PRKG1: variants seen among roughly 807,000 people sequenced by gnomAD.
PRKG1 encodes the protein protein kinase cGMP-dependent 1, also known as cGMP-dependent protein kinase 1.
PRKG1 carries 35 observed loss-of-function variants against 88.1 expected under a neutral mutation model. The observed-to-expected ratio is 0.40, with a 90% CI of 0.30 to 0.53. PRKG1 has a LOEUF of 0.53. Among genes scored for constraint, PRKG1 ranks in the 20% least tolerant of loss-of-function variants. PRKG1 has a pLI of 0.59. For synonymous variants in PRKG1, 303 were observed against 292.5 expected (o/e 1.04, Z -0.37); for missense variants, 540 against 839.8 (o/e 0.64, Z 4.41).
At chr10:52,004,918 C>T (rs1253268227) in intron 5 of PRKG1, among the ~76,000 whole-genome samples, 1 of 151,918 alleles carries the variant, frequency 6.6e-6, no homozygotes, top group Non-Finnish European at 1.5e-5. Context: ...CAGACTGATA[C>T]CCAGTCTCCA....
chr10:51,684,824 G>A (rs957120076), intron 3 of PRKG1, among the ~76,000 whole-genome samples: 16 of 152,100 alleles, frequency 1.1e-4, no homozygotes, highest in African/African-American at 3.6e-4. Context: ...CCAAGATCAC[G>A]CCATTGCATT....
At chr10:51,520,250 G>C (rs1343828721) in intron 3 of PRKG1, among the ~76,000 whole-genome samples, 2 of 143,316 alleles carry the variant, frequency 1.4e-5, no homozygotes, top group African/African-American at 5.0e-5. Flanking sequence ...TACATATATG[G>C]ATATACATAT....
In PRKG1 at chr10:51,420,311, G is replaced by C. The variant is rs111984658; in HGVS notation, c.479-47412G>C. On this transcript the variant is annotated intron_variant, in intron 2 of 17. Coordinates refer to ENST00000373980, the MANE Select transcript of PRKG1 (RefSeq NM_006258.4). ...TGAGCAGGATTTCTTAAATCAATCA[G>C]CTGGGAATCTGCTTAAAATGAAGAT... Among the ~76,000 whole-genome samples, 463 of 152,290 alleles carry C rather than the reference G, an allele frequency of 3.0e-3. 1 individual carries two copies. The highest frequency in any genetic ancestry group is 0.011 in the African/African-American group (449 of 41,582).
At chr10:52,140,305 C>T (rs536290164) in intron 8 of PRKG1, among the ~76,000 whole-genome samples, 94 of 152,110 alleles carry the variant, frequency 6.2e-4, no homozygotes, top group Non-Finnish European at 1.0e-3. Flanking sequence ...TGATTTGAAG[C>T]GTCTGATCAG....
At chr10:52,166,266 T>C (rs1213887572) in intron 9 of PRKG1, among the ~76,000 whole-genome samples, 1 of 152,104 alleles carries the variant, frequency 6.6e-6, no homozygotes, top group African/African-American at 2.4e-5. Flanking sequence ...AGTCAGGCAT[T>C]GTGCTTTATA....
chr10:51,167,733 G>C (rs1029786097), intron 2 of PRKG1, among the ~76,000 whole-genome samples: 44 of 152,232 alleles, frequency 2.9e-4, no homozygotes, highest in African/African-American at 9.6e-4. Context: ...AATTAGGAAT[G>C]ACTTGTATGT....
chr10:51,754,378 G>A (rs1443234431), intron 3 of PRKG1, among the ~76,000 whole-genome samples: 1 of 152,076 alleles, frequency 6.6e-6, no homozygotes, highest in African/African-American at 2.4e-5. Flanking sequence ...ACTTCTGCTG[G>A]TGACCTATCA....
chr10:51,074,707 C>T lies in PRKG1; in HGVS notation c.117C>T (p.Ile39=), dbSNP rs766226389. 6.2e-7 allele frequency: 1 copy of T among 1,613,944 alleles called. No homozygotes were observed. The highest frequency in any genetic ancestry group is 1.7e-5 in the Admixed American group (1 of 59,998). Reference sequence around the variant, plus strand: ...AGTTGGATCAGAAGGACGAACTGATCCAGAAGCTGCAGAACGAGCTGGACA... The same window carrying T: ...AGTTGGATCAGAAGGACGAACTGATTCAGAAGCTGCAGAACGAGCTGGACA... ...ELELDQKDEL[I]QKLQNELDKY... is the part of the protein sequence containing the mutation. Residue 39 remains isoleucine, a synonymous_variant, in exon 1 of 18, where the codon ATC becomes ATT. Transcript: ENST00000373980.
At chr10:52,208,705 A>G (rs1839882362) in intron 9 of PRKG1, among the ~76,000 whole-genome samples, 1 of 152,370 alleles carries the variant, frequency 6.6e-6, no homozygotes, top group African/African-American at 2.4e-5. Context: ...ATGACAAGTG[A>G]AATGGCAAAT....
At chr10:51,987,153 A>T (rs193301937) in intron 5 of PRKG1, among the ~76,000 whole-genome samples, 83 of 152,294 alleles carry the variant, frequency 5.4e-4, no homozygotes, top group Admixed American at 4.5e-3. Flanking sequence ...ATATTAAAAA[A>T]TCTTAAAGTT....
At chr10:51,976,086 G>A (rs1904038) in intron 5 of PRKG1, among the ~76,000 whole-genome samples, 2,468 of 152,046 alleles carry the variant, frequency 0.016, 59 homozygotes, top group African/African-American at 0.057. Context: ...TACTGACTAG[G>A]TTGGCTATAA....
chr10:51,259,604 G>C (rs1839651451), intron 2 of PRKG1, among the ~76,000 whole-genome samples: 1 of 152,284 alleles, frequency 6.6e-6, no homozygotes, highest in South Asian at 2.1e-4. Flanking sequence ...CTCCTGAGTA[G>C]CTGGGATTAT....
chr10:52,197,691 G>A (rs866913304), intron 9 of PRKG1, among the ~76,000 whole-genome samples: 6 of 152,172 alleles, frequency 3.9e-5, no homozygotes, highest in African/African-American at 1.2e-4. Context: ...TCAGAGGTGA[G>A]AGAGATCTCC....
chr10:51,665,122 C>T (rs2132337431), intron 3 of PRKG1, among the ~76,000 whole-genome samples: 2 of 152,258 alleles, frequency 1.3e-5, no homozygotes, highest in South Asian at 4.1e-4. Flanking sequence ...ACAAAACTCA[C>T]ATTGTAACAA....
At chr10:52,000,984 C>T (rs1051500979) in intron 5 of PRKG1, among the ~76,000 whole-genome samples, 1 of 151,756 alleles carries the variant, frequency 6.6e-6, no homozygotes, top group Non-Finnish European at 1.5e-5. Context: ...AGTTTTGTAC[C>T]CTGTGAACTA....
At chr10:51,324,535 G>C (rs1841534490) in intron 2 of PRKG1, among the ~76,000 whole-genome samples, 1 of 142,298 alleles carries the variant, frequency 7.0e-6, no homozygotes, top group Non-Finnish European at 1.5e-5. Flanking sequence ...AGACCATCCT[G>C]TCTAACACGA....
At position 51,074,897 on chromosome 10, in the gene PRKG1, C is replaced by T. The variant is rs201361942; in HGVS notation, c.307C>T (p.Pro103Ser). ...HVTLPFYPKS[P>S]QSKDLIKEAI... ...GACCCTGCCCTTCTACCCCAAGAGCCCACAGTAAGCAGGGGTGACGCGCCG... is the reference window on the plus strand; with the variant it reads ...GACCCTGCCCTTCTACCCCAAGAGCTCACAGTAAGCAGGGGTGACGCGCCG... The change falls in exon 1 of 18, where the codon CCA (proline) becomes TCA (serine). Residue 103 changes from proline to serine, a missense_variant. Pro to Ser is a moderately conservative substitution (Grantham distance 74). Transcript: ENST00000373980. The T allele has an allele frequency of 7.5e-6, 12 of 1,604,040 alleles. No individual in the cohort carries two copies. The highest frequency in any genetic ancestry group is 1.0e-5 in the Non-Finnish European group (12 of 1,173,122).
chr10:51,885,930 C>T (rs1336676065), intron 4 of PRKG1, among the ~76,000 whole-genome samples: 3 of 152,186 alleles, frequency 2.0e-5, no homozygotes, highest in South Asian at 2.1e-4. Flanking sequence ...GTATGAAATA[C>T]ATCTTTTTTC....
chr10:51,113,306 A>C (rs1285806554), intron 1 of PRKG1, among the ~76,000 whole-genome samples: 2 of 152,224 alleles, frequency 1.3e-5, no homozygotes, highest in Non-Finnish European at 2.9e-5. Flanking sequence ...CAATCATGCC[A>C]ATGCAGTTGC....
Sources: allele counts gnomAD v4.1 joint callset (sites outside exome capture counted in the v4.1 genomes callset), GRCh38; gene constraint gnomAD v4.1.1; transcripts MANE v1.5; gene names NCBI Gene and HGNC (gene_info 2026-07-23, HGNC 2026-07-21).